Variants in RBM26 observed in about 807,000 individuals in gnomAD.
RBM26 encodes RNA binding motif protein 26.
In RBM26, 30 loss-of-function variants were observed where a neutral mutation model predicts 123.6. That is an observed-to-expected ratio of 0.24 (90% CI 0.18 to 0.33). RBM26 has a LOEUF of 0.33. RBM26 is among the 10% of genes least tolerant of loss of function. The pLI, the probability that RBM26 is intolerant of heterozygous loss-of-function variation, is 1.00. For missense variants in RBM26, 947 were observed against 1,203.6 expected, an observed-to-expected ratio of 0.79 and a Z score of 3.15; for synonymous variants, 400 against 404.4, an observed-to-expected ratio of 0.99 and a Z score of 0.13.
At chr13:79,389,486 G>GA (rs1331488431) in intron 1 of RBM26, 1 of 152,114 alleles carries the variant, frequency 6.6e-6, no homozygotes, top group Non-Finnish European at 1.5e-5. Flanking sequence ...GAAAGCCAAA[G>GA]AAAAAAGCAA....
At chr13:79,311,873 T>C (rs1053975932) in exon 5 of RBM26, 2 of 151,976 alleles carry the variant, frequency 1.3e-5, no homozygotes, top group African/African-American at 4.8e-5. Flanking sequence ...AATATAAAAA[T>C]AATAAACAAT....
At position 79,336,076 on chromosome 13, in the gene RBM26, A is replaced by G. The variant is rs533551585; in HGVS notation, c.2733+1026T>C. Among the ~76,000 whole-genome samples, 22 of 152,272 alleles carry G rather than the reference A, an allele frequency of 1.4e-4. No homozygotes were observed. In the South Asian group the frequency reaches 3.7e-3, roughly 26 times the overall value. On this transcript the variant is annotated intron_variant, in intron 19 of 21. Coordinates refer to ENST00000438737, the MANE Select transcript of RBM26 (RefSeq NM_001366735.2). ...CAATATCTCCTTATGTCCTGACAAA[A>G]TATCTGTAACTGCTGCAAGCCTCCA...
At chr13:79,327,932 A>C (rs1221758969) in intron 20 of RBM26, among the ~76,000 whole-genome samples, 1 of 152,116 alleles carries the variant, frequency 6.6e-6, no homozygotes, top group East Asian at 1.9e-4. Context: ...CTAAAAATTA[A>C]ATTAATTTTT....
intron 1 of RBM26, among the ~76,000 whole-genome samples, chr13:79,388,087 C>G (rs945930001): frequency 6.6e-6 from 1 of 152,212 alleles, no homozygotes; most frequent in African/African-American, 2.4e-5. Flanking sequence ...AAATAGCTAA[C>G]TAGTCTTCCT....
At chr13:79,337,467 T>C (rs1024066678) in intron 18 of RBM26, among the ~76,000 whole-genome samples, 165 bp from the exon 19 acceptor site, 2 of 152,180 alleles carry the variant, frequency 1.3e-5, no homozygotes, top group African/African-American at 4.8e-5. Context: ...TTAGTGAAAG[T>C]AAATGTAGGT....
In RBM26 at chr13:79,320,523, T is replaced by C; in HGVS notation, c.*98A>G. ...TGTGAAATCCATCTTCATCACATTT[T>C]ACCAAAAATTGTTTTTACAAATATG... On this transcript the variant is annotated 3_prime_UTR_variant, in exon 22 of 22. Transcript: ENST00000438737. The C allele has an allele frequency of 7.8e-7, 1 of 1,277,474 alleles. No homozygotes were observed. Among genetic ancestry groups the C allele is most frequent in the Non-Finnish European group, 1.0e-6 (1 of 1,003,328 alleles). The allele number at this position is 1,277,474 out of a possible 1,614,324, so 79.1% of individuals were successfully genotyped here.
chr13:79,365,214 G>A (rs553854068), intron 9 of RBM26, among the ~76,000 whole-genome samples: 2 of 152,246 alleles, frequency 1.3e-5, no homozygotes, highest in African/African-American at 4.8e-5. Flanking sequence ...AAGCCAAGGC[G>A]GGCGGATCAC....
intron 14 of RBM26, among the ~76,000 whole-genome samples, chr13:79,348,987 T>C (rs1434371770): frequency 6.6e-6 from 1 of 152,172 alleles, no homozygotes; most frequent in Admixed American, 6.5e-5. Context: ...TGGGGCTATA[T>C]CCATTGTAAG....
At chr13:79,371,965 A>T (rs2075932246) in intron 3 of RBM26, 35 bp from the exon 4 acceptor site, 1 of 1,445,886 alleles carries the variant, frequency 6.9e-7, no homozygotes, top group East Asian at 2.3e-5. Context: ...GTACAAGTTT[A>T]GTAATTATTC....
chr13:79,365,558 G>A lies in RBM26; in HGVS notation c.1417+20C>T. 6 of 1,589,994 alleles carry A rather than the reference G, an allele frequency of 3.8e-6. No homozygotes were observed. The highest frequency in any genetic ancestry group is 5.2e-6 in the Non-Finnish European group (6 of 1,162,562). On this transcript the variant is annotated intron_variant, in intron 9 of 21. Transcript: ENST00000438737. The stretch of plus-strand genomic sequence containing the variant: ...GTTTATATTATGAAAATGACAGGAA[G>A]GAAAGATTAATTATAGTACCTCTGG...
chr13:79,322,675 TA>T (rs2067820782), intron 20 of RBM26, among the ~76,000 whole-genome samples: 1 of 151,578 alleles, frequency 6.6e-6, no homozygotes, highest in African/African-American at 2.4e-5. Flanking sequence ...ATCAGACTAG[TA>T]ATTGCAAATT....
Position 79,405,964 on chromosome 13 carries a change from G to A in RBM26, c.-190C>T. The A allele has an allele frequency of 3.1e-6, 1 of 327,642 alleles. No homozygotes were observed. The allele number at this position is 327,642 out of a possible 1,614,324, so 20.3% of individuals were successfully genotyped here. On this transcript the variant is annotated 5_prime_UTR_variant, in exon 1 of 22. Transcript: ENST00000438737. ...GGACCGCCGCAGGCCACAAGTGCAC[G>A]GGGTGCCAGGAGCTCCCCGTCCCCG... is the stretch of plus-strand genomic sequence containing the variant.
At chr13:79,371,201 T>C in intron 4 of RBM26, 39 bp from the exon 5 acceptor site, 1 of 1,506,194 alleles carries the variant, frequency 6.6e-7, no homozygotes, top group Non-Finnish European at 9.1e-7. Flanking sequence ...AAATAATTTT[T>C]AAGTGACACA....
At chr13:79,368,226 C>T (rs2075537580) in intron 6 of RBM26, among the ~76,000 whole-genome samples, 1 of 152,104 alleles carries the variant, frequency 6.6e-6, no homozygotes, top group Non-Finnish European at 1.5e-5. Flanking sequence ...GGGTTGCATA[C>T]CATGTTAGCC....
intron 3 of RBM26, among the ~76,000 whole-genome samples, chr13:79,374,650 C>A (rs2076481023): frequency 6.6e-6 from 1 of 151,846 alleles, no homozygotes; most frequent in South Asian, 2.1e-4. Flanking sequence ...AGCTCTCCTC[C>A]CAGACCAGAC....
At chr13:79,357,088 A>T (rs2074112954) in intron 11 of RBM26, among the ~76,000 whole-genome samples, 1 of 152,190 alleles carries the variant, frequency 6.6e-6, no homozygotes, top group Non-Finnish European at 1.5e-5. Context: ...ATTGTGTAAC[A>T]ATCTAAAATA....
At chr13:79,390,494 T>TAA (rs1276513061) in intron 1 of RBM26, among the ~76,000 whole-genome samples, 1 of 152,178 alleles carries the variant, frequency 6.6e-6, no homozygotes, top group Non-Finnish European at 1.5e-5. Context: ...AGGGTAATGT[T>TAA]ATCTTAACAG....
chr13:79,356,408 A>G (rs1488296057), intron 11 of RBM26, among the ~76,000 whole-genome samples: 2 of 150,462 alleles, frequency 1.3e-5, no homozygotes, highest in Non-Finnish European at 3.0e-5. Context: ...ACAAAAAAGT[A>G]GTTGGAATCA....
intron 9 of RBM26, 107 bp downstream of exon 9, chr13:79,365,471 C>A (rs7319252): frequency 0.51 from 435,847 of 859,184 alleles, 113,576 homozygotes; most frequent in East Asian, 0.73. Flanking sequence ...AAATAAATCA[C>A]CATTCCTTAT....
Sources: gnomAD v4.1 joint callset for allele counts (sites outside exome capture counted in the v4.1 genomes callset) on GRCh38, gnomAD v4.1.1 for gene constraint, MANE v1.5 for transcripts, NCBI Gene and HGNC (gene_info 2026-07-23, HGNC 2026-07-21) for gene names.